The following PID1 variants were observed in gnomAD, a reference collection of about 807,000 sequenced individuals.
The protein encoded by PID1 is PTB-containing, cubilin and LRP1-interacting protein.
In PID1, 10 loss-of-function variants were observed where a neutral mutation model predicts 19.1. The ratio of observed to expected loss-of-function variants is 0.52; its 90% CI spans 0.32 to 0.89. The LOEUF (loss-of-function observed/expected upper bound fraction) is 0.89, where lower values mean the gene tolerates loss of function less well. Among genes scored for constraint, PID1 ranks in the 40% least tolerant of loss-of-function variants. PID1 has a pLI of 0.03. For missense variants in PID1, 248 were observed against 285.3 expected (o/e 0.87, Z 0.94); for synonymous variants, 130 against 116.0 (o/e 1.12, Z -0.78).
intron 1 of PID1, among the ~76,000 whole-genome samples, chr2:229,171,155 T>C (rs1272089315): frequency 6.6e-6 from 1 of 152,258 alleles, no homozygotes; most frequent in Non-Finnish European, 1.5e-5. Flanking sequence ...TTTATGTCCA[T>C]GCACATTTGG....
At chr2:229,057,173 C>G (rs890695706) in intron 2 of PID1, among the ~76,000 whole-genome samples, 1 of 152,160 alleles carries the variant, frequency 6.6e-6, no homozygotes, top group Non-Finnish European at 1.5e-5. Context: ...CCTGGTGGCT[C>G]ATGCCTGTAA....
intron 1 of PID1, among the ~76,000 whole-genome samples, chr2:229,163,059 T>G (rs1314947968): frequency 6.6e-6 from 1 of 152,190 alleles, no homozygotes. Flanking sequence ...GACCTTTTAT[T>G]TAAACTTTTT....
chr2:229,074,216 A>ATATT (rs1461863549), intron 2 of PID1, among the ~76,000 whole-genome samples: 2 of 152,208 alleles, frequency 1.3e-5, no homozygotes, highest in Non-Finnish European at 1.5e-5. Context: ...GATGTTTAAG[A>ATATT]TATTTGATTT....
chr2:229,145,437 C>T (rs1350076848), intron 2 of PID1, among the ~76,000 whole-genome samples: 1 of 151,522 alleles, frequency 6.6e-6, no homozygotes, highest in Non-Finnish European at 1.5e-5. Flanking sequence ...TCCACAAAAC[C>T]AACCCAGAAA....
chr2:229,112,847 G>A (rs1695326286), intron 2 of PID1, among the ~76,000 whole-genome samples: 1 of 152,022 alleles, frequency 6.6e-6, no homozygotes, highest in African/African-American at 2.4e-5. Flanking sequence ...CACCTGATGG[G>A]GAATGACAAA....
chr2:229,251,126 G>A (rs1053719303), intron 1 of PID1, among the ~76,000 whole-genome samples: 56 of 152,204 alleles, frequency 3.7e-4, no homozygotes, highest in African/African-American at 1.3e-3. Flanking sequence ...AAATGTTGCC[G>A]ACCCACACAT....
chr2:229,248,485 G>A (rs530335595), intron 1 of PID1, among the ~76,000 whole-genome samples: 24 of 151,982 alleles, frequency 1.6e-4, no homozygotes, highest in African/African-American at 5.3e-4. Context: ...GCATTTTCCT[G>A]TAGTCAACTG....
chr2:229,101,602 C>T (rs1305508170), intron 2 of PID1, among the ~76,000 whole-genome samples: 1 of 152,162 alleles, frequency 6.6e-6, no homozygotes, highest in African/African-American at 2.4e-5. Context: ...CTTTAGGAGG[C>T]CAGTCCTATT....
chr2:229,173,754 C>G (rs1447291831), intron 1 of PID1, among the ~76,000 whole-genome samples: 1 of 152,204 alleles, frequency 6.6e-6, no homozygotes, highest in Non-Finnish European at 1.5e-5. Context: ...CTCCCCACTT[C>G]GGTGTGCCCT....
intron 1 of PID1, among the ~76,000 whole-genome samples, chr2:229,183,575 C>G (rs1243039633): frequency 1.3e-5 from 2 of 152,162 alleles, no homozygotes; most frequent in Non-Finnish European, 1.5e-5. Flanking sequence ...GACTCTCCAT[C>G]AAGTAAGAGG....
intron 2 of PID1, among the ~76,000 whole-genome samples, chr2:229,072,667 G>T (rs1460359776): frequency 2.6e-5 from 4 of 152,050 alleles, no homozygotes; most frequent in Non-Finnish European, 5.9e-5. Flanking sequence ...GGTTTTAGCT[G>T]TGGCTTTCCT....
chr2:229,157,739 G>A (rs1308477119), intron 1 of PID1, among the ~76,000 whole-genome samples: 7 of 152,190 alleles, frequency 4.6e-5, no homozygotes, highest in Admixed American at 3.9e-4. Flanking sequence ...TTCAAGTTCA[G>A]AAAGAAATTA....
At chr2:229,104,220 C>T (rs1343074031) in intron 2 of PID1, among the ~76,000 whole-genome samples, 2 of 152,176 alleles carry the variant, frequency 1.3e-5, no homozygotes, top group Non-Finnish European at 2.9e-5. Context: ...GTGCTACAGA[C>T]AACCTTTCAC....
intron 1 of PID1, among the ~76,000 whole-genome samples, chr2:229,169,922 G>A (rs1489717624): frequency 2.6e-5 from 4 of 152,094 alleles, no homozygotes; most frequent in Non-Finnish European, 5.9e-5. Context: ...ACGAGTCCAA[G>A]GTCATCCAGA....
intron 2 of PID1, among the ~76,000 whole-genome samples, chr2:229,153,156 AT>A (rs970212634): frequency 1.3e-5 from 2 of 152,206 alleles, no homozygotes; most frequent in East Asian, 1.9e-4. Flanking sequence ...GTTCAAATAG[AT>A]TTTTTTAACA....
intron 2 of PID1, among the ~76,000 whole-genome samples, chr2:229,095,599 A>C (rs1694957875): frequency 6.6e-6 from 1 of 152,184 alleles, no homozygotes; most frequent in African/African-American, 2.4e-5. Context: ...TTCTCCTTGC[A>C]TTGATAAGCA....
intron 1 of PID1, among the ~76,000 whole-genome samples, chr2:229,176,452 C>A (rs780206903): frequency 2.6e-5 from 4 of 152,188 alleles, no homozygotes; most frequent in Non-Finnish European, 4.4e-5. Flanking sequence ...GGGAACCAGG[C>A]CTCCAAGTTC....
chr2:229,220,435 G>A (rs1431886252), intron 1 of PID1, among the ~76,000 whole-genome samples: 4 of 152,152 alleles, frequency 2.6e-5, no homozygotes, highest in Non-Finnish European at 5.9e-5. Flanking sequence ...CCCAGAAGTT[G>A]GCCCCAAGCC....
chr2:229,148,680 A>G (rs1172060549), intron 2 of PID1, among the ~76,000 whole-genome samples: 1 of 151,848 alleles, frequency 6.6e-6, no homozygotes, highest in South Asian at 2.1e-4. Context: ...AGTAGAAAAG[A>G]AGGAGGAAGA....
Sources: gnomAD v4.1 joint callset for allele counts (sites outside exome capture counted in the v4.1 genomes callset) on GRCh38, gnomAD v4.1.1 for gene constraint, MANE v1.5 for transcripts, NCBI Gene and HGNC (gene_info 2026-07-23, HGNC 2026-07-21) for gene names.